RAD9A: variants seen among roughly 807,000 people sequenced by gnomAD.
The protein encoded by RAD9A is RAD9 checkpoint clamp component A.
RAD9A carries 25 observed loss-of-function variants against 41.2 expected under a neutral mutation model. That is an observed-to-expected ratio of 0.61 (90% CI 0.44 to 0.85). The LOEUF (loss-of-function observed/expected upper bound fraction) is 0.85, where lower values mean the gene tolerates loss of function less well. Among genes scored for constraint, RAD9A ranks in the 40% least tolerant of loss-of-function variants. RAD9A has a pLI of 0.00. For missense variants in RAD9A, 514 were observed against 518.3 expected (o/e 0.99, Z 0.08); for synonymous variants, 252 against 210.6 (o/e 1.20, Z -1.70).
At chr11:67,396,222 C>A in intron 8 of RAD9A, 41 bp from the exon 9 acceptor site, 1 of 1,614,086 alleles carries the variant, frequency 6.2e-7, no homozygotes, top group Non-Finnish European at 8.5e-7. Context: ...ATGGCAGGAG[C>A]TGAATGGGAT....
Position 67,393,725 on chromosome 11 carries a change from CTG to C in RAD9A, c.387_388del (p.Cys129Ter). ...AGACTCACAACCTGTCCTTCCAGGA[CTG>C]TGAGTCCCTGCAGGCCGTCTTCGAC... Reference protein sequence around the residue: ...RKTHNLSFQDCESLQAVFDPA... With the variant: ...RKTHNLSFQDXESLQAVFDPA... On this transcript the variant is annotated frameshift_variant, in exon 5 of 11. Coordinates refer to ENST00000307980, the MANE Select transcript of RAD9A (RefSeq NM_004584.3). LOFTEE classifies it high-confidence loss of function. 1.2e-6 allele frequency: 2 copies of C among 1,613,586 alleles called. No individual in the cohort carries two copies. Among genetic ancestry groups the C allele is most frequent in the South Asian group, 1.1e-5 (1 of 91,012 alleles).
At chr11:67,392,592 C>G in intron 2 of RAD9A, 62 bp from the exon 3 acceptor site, 1 of 1,598,800 alleles carries the variant, frequency 6.3e-7, no homozygotes, top group Non-Finnish European at 8.5e-7. Flanking sequence ...CAGAAGCAGC[C>G]AGAGGGCTGG....
Position 67,397,307 on chromosome 11 carries a change from C to T in RAD9A, c.1001C>T (p.Pro334Leu), listed in dbSNP as rs752611994. ...TCCCTTTCACCTGGCCCCCAGCCCC[C>T]CAAGAGCCCCGGTCCCCACTCCGAG... is the stretch of plus-strand genomic sequence containing the variant. ...SISLSPGPQP[P>L]KSPGPHSEEE... The change falls in exon 10 of 11, where the codon CCC becomes CTC. Residue 334 changes from proline (P) to leucine (L), a missense_variant. Pro to Leu is a moderately conservative substitution (Grantham distance 98). This residue lies in a region of RAD9A where 216 missense variants were observed against 184.2 expected (regional missense o/e 1.17). Transcript: ENST00000307980. 1.3e-6 allele frequency: 2 copies of T among 1,597,768 alleles called. No homozygotes were observed. Among genetic ancestry groups the T allele is most frequent in the Non-Finnish European group, 1.7e-6 (2 of 1,170,246 alleles).
Position 67,396,419 on chromosome 11 carries a change from A to C in RAD9A, c.872+19A>C, listed in dbSNP as rs777541008. On this transcript the variant is annotated intron_variant, in intron 9 of 10. Coordinates refer to ENST00000307980, the MANE Select transcript of RAD9A (RefSeq NM_004584.3). ...CTCACAGGTGAGGGCACCTCCCCCC[A>C]ACTCCTCCTCTCTCCATGTCTGTGC... 6.2e-7 allele frequency: 1 copy of C among 1,611,742 alleles called. No individual in the cohort carries two copies. The highest frequency in any genetic ancestry group is 8.5e-7 in the Non-Finnish European group (1 of 1,179,090).
intron 3 of RAD9A, 21 bp downstream of exon 3, chr11:67,392,803 G>C (rs1862566054): frequency 6.2e-7 from 1 of 1,612,984 alleles, no homozygotes; most frequent in East Asian, 2.2e-5. Flanking sequence ...TCCCTCAGCA[G>C]TGGCACTACT....
chr11:67,396,482 TC>T (rs1447081284), intron 9 of RAD9A, 82 bp downstream of exon 9: 1 of 1,508,566 alleles, frequency 6.6e-7, no homozygotes, highest in Non-Finnish European at 9.1e-7. Flanking sequence ...CTTCTGCACC[TC>T]CCCGCAATGT....
intron 5 of RAD9A, 103 bp from the exon 6 acceptor site, chr11:67,395,613 G>C (rs1194216222): frequency 1.2e-6 from 1 of 864,486 alleles, no homozygotes; most frequent in Non-Finnish European, 1.8e-6. Context: ...CTAGGCCTGC[G>C]CACATCCGTG....
Position 67,395,672 on chromosome 11 carries a change from G to A in RAD9A, c.450-44G>A, listed in dbSNP as rs1228112035. ...TCAGGTCCTCCGAGAGCAAAGCCCTGGGCAGGGCCAGGCATTTCGGGTAAT... is the reference window on the plus strand; with the variant it reads ...TCAGGTCCTCCGAGAGCAAAGCCCTAGGCAGGGCCAGGCATTTCGGGTAAT... On this transcript the variant is annotated intron_variant, in intron 5 of 10. Coordinates refer to ENST00000307980, the MANE Select transcript of RAD9A (RefSeq NM_004584.3). 2.0e-6 allele frequency: 3 copies of A among 1,481,070 alleles called. No homozygotes were observed. In the Admixed American group the frequency reaches 5.9e-5, roughly 29 times the overall value. 91.7% of individuals were successfully genotyped at this position (1,481,070 alleles called of 1,614,324 possible). A position where few individuals can be genotyped will look rare whatever the true frequency, so the allele number is the denominator to read the frequency against.
At position 67,395,779 on chromosome 11, in the gene RAD9A, C is replaced by T. The variant is rs754777942; in HGVS notation, c.513C>T (p.Gly171=). 1.1e-5 allele frequency: 18 copies of T among 1,613,768 alleles called. No homozygotes were observed. The highest frequency in any genetic ancestry group is 3.3e-4 in the Middle Eastern group (2 of 6,054). ...PALAEVTLGI[G]RGRRVILRSY... ...TGGCTGAAGTGACGCTGGGCATTGG[C>T]CGTGGCCGCAGGGTCATCCTGCGCA... Residue 171 remains glycine, a synonymous_variant, in exon 6 of 11, where the codon GGC becomes GGT. Transcript: ENST00000307980.
chr11:67,393,317 G>T, intron 3 of RAD9A, 179 bp from the exon 4 acceptor site: 1 of 1,349,398 alleles, frequency 7.4e-7, no homozygotes, highest in South Asian at 2.0e-5. Context: ...GTCTTTCAAG[G>T]CATTCCAAGC....
At chr11:67,395,436 T>C in intron 5 of RAD9A, 1 of 478,506 alleles carries the variant, frequency 2.1e-6, no homozygotes, top group East Asian at 3.4e-5. Context: ...AGGATAAGGA[T>C]TTCAGGGCTC....
intron 3 of RAD9A, chr11:67,393,020 G>A (rs1862576090): frequency 1.3e-5 from 7 of 558,368 alleles, no homozygotes; most frequent in Non-Finnish European, 1.5e-5. Flanking sequence ...GGTGGCTCAC[G>A]CCTGTAATCC....
At chr11:67,394,759 C>A (rs1862629214) in intron 5 of RAD9A, among the ~76,000 whole-genome samples, 2 of 151,922 alleles carry the variant, frequency 1.3e-5, no homozygotes, top group Admixed American at 1.3e-4. Context: ...GGATTACAGG[C>A]ATGCGCCACC....
At position 67,395,917 on chromosome 11, in the gene RAD9A, A is replaced by G. The variant is rs749462124; in HGVS notation, c.565A>G (p.Thr189Ala). 5.6e-6 allele frequency: 9 copies of G among 1,614,050 alleles called. No homozygotes were observed. In the African/African-American group the frequency reaches 8.0e-5, roughly 14 times the overall value. Residue 189 changes from threonine to alanine, a missense_variant, in exon 7 of 11, where the codon ACT (threonine) becomes GCT (alanine). By Grantham distance (58) the Thr-to-Ala change is moderately conservative. Transcript: ENST00000307980. ...CTCCTGTTCTTCCCCAACAGACAGC[A>G]CTGCCAAAGCCATGGTGACTGAGAT... ...RSYHEEEADSTAKAMVTEMCL... is the reference protein window; with the variant it reads ...RSYHEEEADSAAKAMVTEMCL...
intron 5 of RAD9A, 104 bp from the exon 6 acceptor site, chr11:67,395,612 C>T (rs1488477308): frequency 1.7e-5 from 15 of 859,640 alleles, no homozygotes; most frequent in Admixed American, 2.4e-5. Flanking sequence ...GCTAGGCCTG[C>T]GCACATCCGT....
At chr11:67,393,632 C>A (rs747598654) in intron 4 of RAD9A, 22 bp downstream of exon 4, 2 of 1,613,662 alleles carry the variant, frequency 1.2e-6, no homozygotes, top group African/African-American at 2.7e-5. Flanking sequence ...GCCGGCCAGC[C>A]AAGGGGTGCC....
In RAD9A at chr11:67,397,906, C is replaced by T. The variant is rs982934144; in HGVS notation, c.*347C>T. 3.6e-6 allele frequency: 1 copy of T among 277,504 alleles called. No individual in the cohort carries two copies. Among genetic ancestry groups the T allele is most frequent in the African/African-American group, 2.2e-5 (1 of 44,604 alleles). 17.2% of individuals were successfully genotyped at this position (277,504 alleles called of 1,614,324 possible). ...AGGCTCACCTTCCTAAGGAAAATGT[C>T]ATAGTAGGTGCTGCTGGCCCCTGGT... On this transcript the variant is annotated 3_prime_UTR_variant, in exon 11 of 11. Coordinates refer to ENST00000307980, the MANE Select transcript of RAD9A (RefSeq NM_004584.3).
Position 67,396,259 on chromosome 11 carries a change from C to A in RAD9A, c.735-4C>A, listed in dbSNP as rs752822242. On this transcript the variant is annotated splice_region_variant and splice_polypyrimidine_tract_variant and intron_variant, in intron 8 of 10. Coordinates refer to ENST00000307980, the MANE Select transcript of RAD9A (RefSeq NM_004584.3). ...ACCTAGCTTGGGCCCCCTCCCCTGC[C>A]CAGGCCCGCCATCTTCACCATCAAG... 1.9e-6 allele frequency: 3 copies of A among 1,613,950 alleles called. No homozygotes were observed. The African/African-American group carries it at 4.0e-5, about 22-fold the overall frequency.
At chr11:67,395,447 T>C (rs1862654435) in intron 5 of RAD9A, 2 of 492,826 alleles carry the variant, frequency 4.1e-6, no homozygotes, top group African/African-American at 3.9e-5. Flanking sequence ...TTCAGGGCTC[T>C]TTCTGAAGGC....
Sources: gnomAD v4.1 joint callset for allele counts (sites outside exome capture counted in the v4.1 genomes callset) on GRCh38, gnomAD v4.1.1 for gene constraint, gnomAD v4.1.1 regional missense constraint, MANE v1.5 for transcripts, NCBI Gene and HGNC (gene_info 2026-07-23, HGNC 2026-07-21) for gene names.